Variants in AMZ1 observed in about 807,000 individuals in gnomAD.
AMZ1 encodes archaemetzincin-1.
AMZ1 carries 39 observed loss-of-function variants against 29.9 expected under a neutral mutation model. The observed-to-expected ratio is 1.30, with a 90% CI of 1.01 to 1.70. The LOEUF is 1.70. AMZ1 is among the 40% of genes most tolerant of loss of function. The probability of loss-of-function intolerance (pLI) is 0.00; values close to 1 mark genes in which losing one functional copy is unlikely to be tolerated. For synonymous variants in AMZ1, 458 were observed against 304.0 expected, an observed-to-expected ratio of 1.51 and a Z score of -5.27; for missense variants, 1,041 against 680.6, an observed-to-expected ratio of 1.53 and a Z score of -5.89.
At position 2,713,029 on chromosome 7, in the gene AMZ1, G is replaced by C; in HGVS notation, c.*151G>C. 1.2e-6 allele frequency: 1 copy of C among 837,346 alleles called. No individual in the cohort carries two copies. Among genetic ancestry groups the C allele is most frequent in the Non-Finnish European group, 1.7e-6 (1 of 597,514 alleles). 51.9% of individuals were successfully genotyped at this position (837,346 alleles called of 1,614,324 possible). A position where few individuals can be genotyped will look rare whatever the true frequency, so the allele number is the denominator to read the frequency against. ...GTCATCCCATCACTTTGAGAGGCCA[G>C]GAGTTTGAGACCAGACTGGGCAACA... On this transcript the variant is annotated 3_prime_UTR_variant, in exon 7 of 7. Coordinates refer to ENST00000683327, the MANE Select transcript of AMZ1 (RefSeq NM_001384743.1).
intron 4 of AMZ1, among the ~76,000 whole-genome samples, chr7:2,757,577 G>T (rs935706000): frequency 3.3e-5 from 5 of 152,214 alleles, no homozygotes; most frequent in Non-Finnish European, 5.9e-5. Flanking sequence ...AGCCTGCGAG[G>T]TTCCGAGCAG....
At chr7:2,695,902 C>G (rs187698580) in intron 1 of AMZ1, among the ~76,000 whole-genome samples, 45 of 150,612 alleles carry the variant, frequency 3.0e-4, no homozygotes, top group African/African-American at 8.8e-4. Flanking sequence ...CCCAGCTACT[C>G]GGGAGGCTGA....
chr7:2,710,438 G>A (rs545935392), intron 6 of AMZ1, among the ~76,000 whole-genome samples: 24 of 152,336 alleles, frequency 1.6e-4, no homozygotes, highest in South Asian at 4.1e-4. Flanking sequence ...TGCTCACTGC[G>A]TACAGGCACC....
In AMZ1 at chr7:2,719,683, A is replaced by T. The variant is rs1055368573; in HGVS notation, c.*6805A>T. Among the ~76,000 whole-genome samples, 3 of 147,398 alleles carry T rather than the reference A, an allele frequency of 2.0e-5. No homozygotes were observed. Among genetic ancestry groups the T allele is most frequent in the African/African-American group, 7.5e-5 (3 of 40,022 alleles). On this transcript the variant is annotated 3_prime_UTR_variant, in exon 7 of 7. Coordinates refer to ENST00000683327, the MANE Select transcript of AMZ1 (RefSeq NM_001384743.1). ...AAATTAATAAATGCTATCAACCCCA[A>T]TTTTTTTTTTTTTTGAGATGGAGTT...
intron 1 of AMZ1, among the ~76,000 whole-genome samples, chr7:2,696,956 C>T (rs921666445): frequency 6.6e-6 from 1 of 152,114 alleles, no homozygotes; most frequent in Non-Finnish European, 1.5e-5. Context: ...TTCTGCAAAG[C>T]AATTTGCAAT....
intron 6 of AMZ1, among the ~76,000 whole-genome samples, chr7:2,710,270 C>T (rs1788686253): frequency 6.6e-6 from 1 of 152,214 alleles, no homozygotes; most frequent in African/African-American, 2.4e-5. Context: ...ATTCCTAACT[C>T]CCTCTGTCGC....
upstream of AMZ1, among the ~76,000 whole-genome samples, chr7:2,685,901 C>T (rs1787062809): frequency 6.7e-6 from 1 of 150,306 alleles, no homozygotes; most frequent in South Asian, 2.1e-4. Context: ...TTCTCAGGTT[C>T]TGGGTTCTCC....
rs2115218959 is a variant in AMZ1, at chr7:2,716,748, C to G, written c.*3870C>G. Among the ~76,000 whole-genome samples, 1 of 152,324 alleles carries G rather than the reference C, an allele frequency of 6.6e-6. No individual in the cohort carries two copies. Among genetic ancestry groups the G allele is most frequent in the East Asian group, 1.9e-4 (1 of 5,168 alleles). On this transcript the variant is annotated 3_prime_UTR_variant, in exon 7 of 7. Coordinates refer to ENST00000683327, the MANE Select transcript of AMZ1 (RefSeq NM_001384743.1). Reference sequence around the variant, plus strand: ...GACAGGCAAGTCTTCCCTAGTGGGTCAGTCAACTCCACCGCTTAAGGGGTC... The same window carrying G: ...GACAGGCAAGTCTTCCCTAGTGGGTGAGTCAACTCCACCGCTTAAGGGGTC...
chr7:2,741,073 T>C (rs1035507531), intron 4 of AMZ1, among the ~76,000 whole-genome samples: 20 of 148,208 alleles, frequency 1.3e-4, no homozygotes, highest in Non-Finnish European at 2.9e-4. Context: ...AACAAACAAA[T>C]AATCAAACAA....
chr7:2,720,703 TA>T (rs953702386), downstream of AMZ1, among the ~76,000 whole-genome samples: 1,063 of 147,850 alleles, frequency 7.2e-3, 6 homozygotes, highest in Middle Eastern at 0.014. Context: ...GCCCAGCCTT[TA>T]AAAAAAAAAA....
At chr7:2,705,491 G>A (rs1788299614) in intron 3 of AMZ1, among the ~76,000 whole-genome samples, 1 of 152,208 alleles carries the variant, frequency 6.6e-6, no homozygotes, top group Non-Finnish European at 1.5e-5. Flanking sequence ...ATAGAGGGCG[G>A]CTCTCTACCC....
Position 2,731,580 on chromosome 7 carries a change from C to G in AMZ1, n.550+21764C>G. On this transcript the variant is annotated intron_variant and non_coding_transcript_variant, in intron 4 of 4. Transcript: ENST00000489665. The surrounding 1 kb of genome is among the most constrained non-coding windows in gnomAD (Gnocchi z 6.0). ...CGTACTCGCTGGAGGAGACCATGAA[C>G]AGGATGGACGTGATCCCGTCGAAGC... is the stretch of plus-strand genomic sequence containing the variant. 1 of 1,612,752 alleles carries G rather than the reference C, an allele frequency of 6.2e-7. No homozygotes were observed.
At chr7:2,744,766 T>A (rs770908348) in intron 4 of AMZ1, among the ~76,000 whole-genome samples, 4 of 152,062 alleles carry the variant, frequency 2.6e-5, no homozygotes, top group Middle Eastern at 3.4e-3. Flanking sequence ...AGTTAAAAAC[T>A]TTGAAAAAAA....
In AMZ1 at chr7:2,700,510, C is replaced by T. The variant is rs1363421598; in HGVS notation, c.59C>T (p.Ala20Val). 6.2e-7 allele frequency: 1 copy of T among 1,606,798 alleles called. No individual in the cohort carries two copies. The highest frequency in any genetic ancestry group is 1.7e-5 in the Admixed American group (1 of 60,028). ...TTCGGGCCCCGGGCCTTGAAGGACG[C>T]TCTGGTCTCCACTGACGCAGCCCTG... ...FSFGPRALKD[A>V]LVSTDAALQQ... Residue 20 changes from alanine to valine, a missense_variant, in exon 2 of 7, where the codon GCT becomes GTT. Coordinates refer to ENST00000683327, the MANE Select transcript of AMZ1 (RefSeq NM_001384743.1).
chr7:2,760,018 T>G (rs1791483016), upstream of AMZ1, among the ~76,000 whole-genome samples: 2 of 152,208 alleles, frequency 1.3e-5, no homozygotes, highest in African/African-American at 4.8e-5. Context: ...AACACTCAGT[T>G]TTAAAAGTAT....
rs62441391 is a variant in AMZ1 at position 2,735,745 on chromosome 7, G to C, written n.550+25929G>C. Among the ~76,000 whole-genome samples, 1,519 of 152,290 alleles carry C rather than the reference G, an allele frequency of 1.0e-2. 12 individuals carry two copies. The highest frequency in any genetic ancestry group is 0.018 in the Non-Finnish European group (1,205 of 68,028). On this transcript the variant is annotated intron_variant and non_coding_transcript_variant, in intron 4 of 4. Transcript: ENST00000489665. ...CTTATCTGTGACTCTCGGTCATCTTGCATGAGTGGCGGAGGAGAGGAGTCA... is the reference window on the plus strand; with the variant it reads ...CTTATCTGTGACTCTCGGTCATCTTCCATGAGTGGCGGAGGAGAGGAGTCA...
Position 2,709,183 on chromosome 7 carries a change from C to T in AMZ1, c.710C>T (p.Pro237Leu), listed in dbSNP as rs1314567513. The T allele has an allele frequency of 1.3e-6, 2 of 1,539,132 alleles. No individual in the cohort carries two copies. The highest frequency in any genetic ancestry group is 1.4e-5 in the African/African-American group (1 of 72,122). Residue 237 changes from proline to leucine, a missense_variant, in exon 5 of 7, where the codon CCC (proline) becomes CTC (leucine). Physicochemically the swap from Pro to Leu is moderately conservative, Grantham distance 98 (BLOSUM62 -3). Transcript: ENST00000683327. ...VEAAADGPEA[P>L]LQDRGWALCF... ...GCAGCAGCAGACGGCCCCGAGGCCC[C>T]CCTGCAGGACAGGGGCTGGGCCCTG... is the stretch of plus-strand genomic sequence containing the variant.
intron 1 of AMZ1, among the ~76,000 whole-genome samples, chr7:2,689,772 G>A (rs1328761606): frequency 6.6e-6 from 1 of 152,178 alleles, no homozygotes; most frequent in African/African-American, 2.4e-5. Context: ...ACTGTGACAG[G>A]GTCCAAAGGA....
intron 1 of AMZ1, among the ~76,000 whole-genome samples, chr7:2,689,562 C>T (rs1167946097): frequency 6.6e-6 from 1 of 152,182 alleles, no homozygotes; most frequent in East Asian, 1.9e-4. Context: ...GCTGGGGTTC[C>T]AGTGTGAAGC....
Sources: allele counts gnomAD v4.1 joint callset (sites outside exome capture counted in the v4.1 genomes callset), GRCh38; gene constraint gnomAD v4.1.1; non-coding constraint Gnocchi (gnomAD v3.1); transcripts MANE v1.5; gene names NCBI Gene and HGNC (gene_info 2026-07-23, HGNC 2026-07-21).